PDE3B: variants seen among roughly 807,000 people sequenced by gnomAD.
The protein encoded by PDE3B is phosphodiesterase 3B, also known as cGMP-inhibited 3',5'-cyclic phosphodiesterase 3B.
Under a neutral mutation model 116.8 loss-of-function variants are expected in PDE3B, and 66 were observed. The ratio of observed to expected loss-of-function variants is 0.56; its 90% confidence interval spans 0.46 to 0.69. The LOEUF is 0.69. Among genes scored for constraint, PDE3B ranks in the 30% least tolerant of loss-of-function variants. The pLI is 0.00. For synonymous variants in PDE3B, 595 were observed against 533.6 expected (o/e 1.12, Z -1.59); for missense variants, 1,384 against 1,368.1 (o/e 1.01, Z -0.18).
In PDE3B at chr11:14,859,216, T is replaced by G; in HGVS notation, c.2694T>G (p.His898Gln). The G allele has an allele frequency of 7.4e-6, 12 of 1,611,802 alleles. No homozygotes were observed. The highest frequency in any genetic ancestry group is 1.0e-5 in the Non-Finnish European group (12 of 1,179,112). The part of the protein sequence containing the change: ...EAILATDLKK[H>Q]FDFLAEFNAK... Reference sequence around the variant, plus strand: ...TCCTTGCTACGGATCTTAAAAAGCATTTTGATTTTCTCGCAGAATTCAATG... The same window carrying G: ...TCCTTGCTACGGATCTTAAAAAGCAGTTTGATTTTCTCGCAGAATTCAATG... The change falls in exon 13 of 16, where the codon CAT (histidine) becomes CAG (glutamine). Residue 898 changes from histidine to glutamine, a missense_variant. Around this residue, in one of 2 missense-constraint regions of PDE3B, gnomAD observed 428 missense variants for 561.4 expected, o/e 0.76. Coordinates refer to ENST00000282096, the MANE Select transcript of PDE3B (RefSeq NM_000922.4).
Position 14,645,032 on chromosome 11 carries a change from G to T in PDE3B, c.957G>T (p.Leu319Phe), listed in dbSNP as rs1853351212. The T allele has an allele frequency of 1.2e-6, 2 of 1,610,530 alleles. No individual in the cohort carries two copies. The highest frequency in any genetic ancestry group is 1.7e-6 in the Non-Finnish European group (2 of 1,178,268). Reference sequence around the variant, plus strand: ...GCAAAATATTCAGGAGACCGTCGTTGCCTTGTATTTCCAGAGAACAGGTAT... The same window carrying T: ...GCAAAATATTCAGGAGACCGTCGTTTCCTTGTATTTCCAGAGAACAGGTAT... ...GSCKIFRRPSLPCISREQMIL... is the reference protein window; with the variant it reads ...GSCKIFRRPSFPCISREQMIL... Residue 319 changes from leucine (L) to phenylalanine (F), a missense_variant, in exon 1 of 16, where the codon TTG (leucine) becomes TTT (phenylalanine). Coordinates refer to ENST00000282096, the MANE Select transcript of PDE3B (RefSeq NM_000922.4).
the PDE3B span, chr11:14,891,272 G>A: frequency 1.0e-6 from 1 of 985,100 alleles, no homozygotes; most frequent in Non-Finnish European, 1.2e-6. Flanking sequence ...AGTTTTAAAT[G>A]AGTCACCAAG....
intron 12 of PDE3B, among the ~76,000 whole-genome samples, chr11:14,849,984 C>G (rs1449753168): frequency 6.6e-6 from 1 of 152,100 alleles, no homozygotes; most frequent in Non-Finnish European, 1.5e-5. Flanking sequence ...CATCCCATTA[C>G]TGGGTATATA....
At chr11:14,728,030 A>G (rs1324579346) in intron 1 of PDE3B, among the ~76,000 whole-genome samples, 1 of 152,096 alleles carries the variant, frequency 6.6e-6, no homozygotes. Flanking sequence ...AGTTTCTTAC[A>G]TTTATCTATT....
Position 14,831,738 on chromosome 11 carries a change from A to G in PDE3B, c.2055A>G (p.Val685=). ...SNWNFPIFEL[V]EKMGEKSGRI... ...GGAATTTTCCAATTTTTGAACTTGT[A>G]GAAAAGATGGGAGAGAAATCAGGAA... Residue 685 remains valine, a synonymous_variant, in exon 9 of 16, where the codon GTA becomes GTG. Coordinates refer to ENST00000282096, the MANE Select transcript of PDE3B (RefSeq NM_000922.4). 1.9e-6 allele frequency: 3 copies of G among 1,606,276 alleles called. No homozygotes were observed. Among genetic ancestry groups the G allele is most frequent in the Non-Finnish European group, 2.6e-6 (3 of 1,174,748 alleles).
chr11:14,734,170 C>G (rs1856535403), intron 1 of PDE3B, among the ~76,000 whole-genome samples: 1 of 152,324 alleles, frequency 6.6e-6, no homozygotes, highest in Non-Finnish European at 1.5e-5. Flanking sequence ...CTCCCAGGCT[C>G]AAGTGATCCT....
At chr11:14,814,268 AGAC>A (rs1263820286) in intron 5 of PDE3B, among the ~76,000 whole-genome samples, 1 of 152,214 alleles carries the variant, frequency 6.6e-6, no homozygotes, top group Non-Finnish European at 1.5e-5. Context: ...CAATGAATGA[AGAC>A]AAGATAAAGA....
At chr11:14,666,503 A>G (rs1177601507) in intron 1 of PDE3B, among the ~76,000 whole-genome samples, 63 of 150,488 alleles carry the variant, frequency 4.2e-4, no homozygotes, top group African/African-American at 1.5e-3. Flanking sequence ...GGCAACCTAC[A>G]AAATGGGAGA....
intron 1 of PDE3B, among the ~76,000 whole-genome samples, chr11:14,674,735 A>G (rs935713944): frequency 5.3e-5 from 8 of 152,208 alleles, no homozygotes; most frequent in African/African-American, 1.2e-4. Flanking sequence ...TTGAACTTCT[A>G]TGTAGCACTT....
rs1319173325 is a variant in PDE3B at position 14,644,665 on chromosome 11, T to C, written c.590T>C (p.Leu197Ser). 2 of 1,497,698 alleles carry C rather than the reference T, an allele frequency of 1.3e-6. No individual in the cohort carries two copies. Among genetic ancestry groups the C allele is most frequent in the East Asian group, 2.4e-5 (1 of 40,938 alleles). The allele number at this position is 1,497,698 out of a possible 1,614,324, so 92.8% of individuals were successfully genotyped here. Residue 197 changes from leucine (L) to serine (S), a missense_variant, in exon 1 of 16, where the codon TTG becomes TCG. Physicochemically the swap from Leu to Ser is moderately radical, Grantham distance 145. Around this residue, in one of 2 missense-constraint regions of PDE3B, gnomAD observed 956 missense variants for 806.8 expected, o/e 1.18. Coordinates refer to ENST00000282096, the MANE Select transcript of PDE3B (RefSeq NM_000922.4). Reference protein sequence around the residue: ...HTPPEAAAGRLLLVLSCVGLL... With the variant: ...HTPPEAAAGRSLLVLSCVGLL... ...CCCCCGGAGGCGGCAGCGGGCAGGT[T>C]GCTGCTGGTGCTGAGCTGCGTAGGG... is the stretch of plus-strand genomic sequence containing the variant.
intron 2 of PDE3B, chr11:14,775,361 A>C (rs994361496): frequency 6.6e-6 from 1 of 152,128 alleles, no homozygotes; most frequent in Admixed American, 6.6e-5. Flanking sequence ...CATTTTGTGC[A>C]GTACACTTCC....
intron 1 of PDE3B, chr11:14,673,815 G>C: frequency 1.1e-6 from 1 of 946,410 alleles, no homozygotes; most frequent in Non-Finnish European, 1.7e-6. Context: ...GGGGTGATCT[G>C]CAAGAATTTC....
the PDE3B span, chr11:14,891,041 T>C: frequency 1.0e-6 from 1 of 985,454 alleles, no homozygotes; most frequent in Non-Finnish European, 1.2e-6. Flanking sequence ...TCTTCACCGC[T>C]AGCGTCAGGC....
At chr11:14,743,177 C>G (rs1163997338) in intron 1 of PDE3B, among the ~76,000 whole-genome samples, 2 of 152,138 alleles carry the variant, frequency 1.3e-5, no homozygotes, top group African/African-American at 4.8e-5. Context: ...TGCCCCTTCC[C>G]CCAGGTGGTC....
At chr11:14,878,264 C>T in the PDE3B span, 21 of 1,612,954 alleles carry the variant, frequency 1.3e-5, no homozygotes, top group African/African-American at 2.7e-5. Context: ...CATTTCCATC[C>T]GAGCCAAGTG....
At chr11:14,670,051 G>A (rs1375511736) in intron 1 of PDE3B, among the ~76,000 whole-genome samples, 1 of 152,112 alleles carries the variant, frequency 6.6e-6, no homozygotes, top group South Asian at 2.1e-4. Flanking sequence ...ATAGTTGGTC[G>A]AGTTTTGTGC....
chr11:14,884,562 A>G, the PDE3B span, among the ~76,000 whole-genome samples: 405 of 150,958 alleles, frequency 2.7e-3, 1 homozygote, highest in African/African-American at 9.1e-3. Flanking sequence ...GGATAGCATT[A>G]GGAGATATAC....
intron 12 of PDE3B, among the ~76,000 whole-genome samples, chr11:14,854,518 A>ATT (rs72059847): frequency 1.2e-4 from 17 of 143,966 alleles, no homozygotes; most frequent in Non-Finnish European, 7.7e-5. Flanking sequence ...GAAATCTAGA[A>ATT]TTTTTTTTTT....
At chr11:14,794,319 CTTTTTTTT>C (rs11333119) in intron 4 of PDE3B, among the ~76,000 whole-genome samples, 2 of 136,430 alleles carry the variant, frequency 1.5e-5, no homozygotes, top group Non-Finnish European at 3.2e-5. Context: ...TTTTTCTTTT[CTTTTTTTT>C]TTTTTTTGAG....
Sources: gnomAD v4.1 joint callset for allele counts (sites outside exome capture counted in the v4.1 genomes callset) on GRCh38, gnomAD v4.1.1 for gene constraint, gnomAD v4.1.1 regional missense constraint, MANE v1.5 for transcripts, NCBI Gene and HGNC (gene_info 2026-07-23, HGNC 2026-07-21) for gene names.